Variants in STON2 observed in about 807,000 individuals in gnomAD.
STON2 encodes the protein stonin-2.
Under a neutral mutation model 65.7 loss-of-function variants are expected in STON2, and 29 were observed. That is an observed-to-expected ratio of 0.44 (90% CI 0.33 to 0.60). The LOEUF (loss-of-function observed/expected upper bound fraction) is 0.60. Ranked by LOEUF, STON2 falls within the 20% of genes least tolerant of loss-of-function variation. STON2 has a pLI of 0.03. For synonymous variants in STON2, 404 were observed against 414.2 expected, an observed-to-expected ratio of 0.98 and a Z score of 0.30; for missense variants, 1,054 against 1,118.1, an observed-to-expected ratio of 0.94 and a Z score of 0.82.
chr14:81,287,988 C>A (rs1595297294), intron 5 of STON2, among the ~76,000 whole-genome samples: 1 of 152,158 alleles, frequency 6.6e-6, no homozygotes, highest in East Asian at 1.9e-4. Context: ...CACCAGTTCC[C>A]CAGCAGAGGT....
intron 4 of STON2, among the ~76,000 whole-genome samples, chr14:81,370,634 G>A (rs1318923059): frequency 6.6e-6 from 1 of 152,218 alleles, no homozygotes; most frequent in Non-Finnish European, 1.5e-5. Flanking sequence ...TGCATGGGTA[G>A]TAGGATGAAA....
Position 81,385,812 on chromosome 14 carries a change from C to T in STON2, c.373+10082G>A, listed in dbSNP as rs539922975. Among the ~76,000 whole-genome samples, 32 of 152,320 alleles carry T rather than the reference C, an allele frequency of 2.1e-4. No individual in the cohort carries two copies. In the East Asian group the frequency reaches 3.9e-3, roughly 18 times the overall value. On this transcript the variant is annotated intron_variant, in intron 3 of 7. Transcript: ENST00000614646. ...TAAATTAGATAGACAAAGTCTTTCC[C>T]TTTATGGAGAAGAGAGATAATAACA...
intron 5 of STON2, among the ~76,000 whole-genome samples, chr14:81,302,484 C>T (rs570274521): frequency 7.4e-4 from 113 of 152,336 alleles, no homozygotes; most frequent in African/African-American, 2.6e-3. Flanking sequence ...TATGCAACAA[C>T]TCAGAAAGTG....
At chr14:81,332,675 G>A (rs1227138890) in intron 4 of STON2, among the ~76,000 whole-genome samples, 1 of 152,088 alleles carries the variant, frequency 6.6e-6, no homozygotes, top group Non-Finnish European at 1.5e-5. Flanking sequence ...TTTTCAAACA[G>A]GGAAGAAGCT....
chr14:81,399,986 C>T (rs1056945170), intron 1 of STON2, among the ~76,000 whole-genome samples: 1 of 152,194 alleles, frequency 6.6e-6, no homozygotes, highest in Non-Finnish European at 1.5e-5. Context: ...AGGTCTTCTG[C>T]AGCCAAAACA....
chr14:81,337,584 A>G (rs1351413144), intron 4 of STON2, among the ~76,000 whole-genome samples: 1 of 152,170 alleles, frequency 6.6e-6, no homozygotes, highest in Non-Finnish European at 1.5e-5. Flanking sequence ...GTGACAATTG[A>G]GCAGAGACAT....
intron 3 of STON2, among the ~76,000 whole-genome samples, chr14:81,385,182 G>T (rs1899734875): frequency 6.6e-6 from 1 of 152,172 alleles, no homozygotes; most frequent in African/African-American, 2.4e-5. Flanking sequence ...CCACACCAAG[G>T]GTGAGCTAGG....
At chr14:81,390,193 CAAAAAA>C (rs759154677) in intron 3 of STON2, among the ~76,000 whole-genome samples, 1 of 88,354 alleles carries the variant, frequency 1.1e-5, no homozygotes, top group Non-Finnish European at 2.3e-5. Context: ...GACTCCATTT[CAAAAAA>C]AAAAAAAAAG....
intron 4 of STON2, among the ~76,000 whole-genome samples, chr14:81,351,736 G>A (rs191737946): frequency 8.5e-4 from 129 of 152,282 alleles, no homozygotes; most frequent in African/African-American, 2.8e-3. Context: ...CAGTTCCCCA[G>A]TCCAGGCCAC....
At chr14:81,316,474 A>AACTCAGTAAGTAATGCTAT (rs1169126945) in intron 5 of STON2, among the ~76,000 whole-genome samples, 2 of 152,242 alleles carry the variant, frequency 1.3e-5, no homozygotes, top group Non-Finnish European at 2.9e-5. Context: ...TAGGAAGATC[A>AACTCAGTAAGTAATGCTAT]ACTCAGTAAG....
At position 81,391,339 on chromosome 14, in the gene STON2, C is replaced by G. The variant is rs568195578; in HGVS notation, c.373+4555G>C. On this transcript the variant is annotated intron_variant, in intron 3 of 7. Transcript: ENST00000614646. Reference sequence around the variant, plus strand: ...GTATTATTGCAATATACAGCACATGCATTCAAACATTTTGGATTCAAATTA... The same window carrying G: ...GTATTATTGCAATATACAGCACATGGATTCAAACATTTTGGATTCAAATTA... 2.0e-5 allele frequency among the ~76,000 whole-genome samples: 3 copies of G among 152,324 alleles called. No individual in the cohort carries two copies. The East Asian group carries it at 5.8e-4, about 29-fold the overall frequency.
At chr14:81,383,050 G>C (rs149953396) in intron 3 of STON2, among the ~76,000 whole-genome samples, 8 of 152,368 alleles carry the variant, frequency 5.3e-5, no homozygotes, top group African/African-American at 1.7e-4. Context: ...CCAGGGGCCA[G>C]ACCTTTGATG....
At chr14:81,389,614 C>A (rs1272345636) in intron 3 of STON2, among the ~76,000 whole-genome samples, 1 of 152,210 alleles carries the variant, frequency 6.6e-6, no homozygotes, top group Non-Finnish European at 1.5e-5. Flanking sequence ...TAGCCGCCAG[C>A]AAACTGGCCA....
In STON2 at chr14:81,390,860, C is replaced by A. The variant is rs1900047469; in HGVS notation, c.373+5034G>T. Among the ~76,000 whole-genome samples, 4 of 152,236 alleles carry A rather than the reference C, an allele frequency of 2.6e-5. No individual in the cohort carries two copies. The South Asian group carries it at 8.3e-4, about 32-fold the overall frequency. Reference sequence around the variant, plus strand: ...GATGTCAGCAGAACTGCACTCCCCGCAGAGGCTTTAAGGAAGCATCTGTTT... The same window carrying A: ...GATGTCAGCAGAACTGCACTCCCCGAAGAGGCTTTAAGGAAGCATCTGTTT... On this transcript the variant is annotated intron_variant, in intron 3 of 7. Coordinates refer to ENST00000614646, the MANE Select transcript of STON2 (RefSeq NM_001394390.1).
rs74065079 is a variant in STON2 at position 81,305,469 on chromosome 14, A to C, written c.742+18548T>G. On this transcript the variant is annotated intron_variant, in intron 5 of 7. Coordinates refer to ENST00000614646, the MANE Select transcript of STON2 (RefSeq NM_001394390.1). ...TTTCACTGATGAACACTGAAGGTGT[A>C]TACCTTTTCATATGTTTATTGGCCA... Among the ~76,000 whole-genome samples the C allele has an allele frequency of 5.1e-3, 771 of 152,332 alleles. 8 individuals are homozygous for C. The highest frequency in any genetic ancestry group is 0.024 in the Middle Eastern group (7 of 294).
intron 4 of STON2, among the ~76,000 whole-genome samples, chr14:81,343,025 G>T (rs974937093): frequency 2.0e-5 from 3 of 152,120 alleles, no homozygotes; most frequent in Non-Finnish European, 2.9e-5. Context: ...TCTCAGGGAG[G>T]GTAGGGCATG....
At chr14:81,291,858 T>TACACACACACAC (rs59366676) in intron 5 of STON2, among the ~76,000 whole-genome samples, 5 of 137,808 alleles carry the variant, frequency 3.6e-5, no homozygotes, top group East Asian at 4.4e-4. Flanking sequence ...TTAGCATGGG[T>TACACACACACAC]ACACACACAC....
intron 5 of STON2, among the ~76,000 whole-genome samples, chr14:81,279,413 G>A (rs964724374): frequency 4.6e-5 from 7 of 152,058 alleles, no homozygotes; most frequent in East Asian, 1.9e-4. Flanking sequence ...AAAAATGGCC[G>A]GGCACAGTGG....
At chr14:81,357,307 C>A (rs1898283748) in intron 4 of STON2, among the ~76,000 whole-genome samples, 1 of 152,096 alleles carries the variant, frequency 6.6e-6, no homozygotes, top group African/African-American at 2.4e-5. Flanking sequence ...AAATGCTCAC[C>A]ATCACTGGCC....
Sources: gnomAD v4.1 joint callset for allele counts (sites outside exome capture counted in the v4.1 genomes callset) on GRCh38, gnomAD v4.1.1 for gene constraint, MANE v1.5 for transcripts, NCBI Gene and HGNC (gene_info 2026-07-23, HGNC 2026-07-21) for gene names.